The following CPQ variants were observed in gnomAD, a reference collection of about 807,000 sequenced individuals.
CPQ encodes the protein Ser-Met dipeptidase.
A neutral mutation model predicts 45.7 loss-of-function variants in CPQ; 37 were observed. The ratio of observed to expected loss-of-function variants is 0.81; its 90% CI spans 0.62 to 1.07. The LOEUF is 1.07. Ranked by LOEUF, CPQ falls within the 50% of genes least tolerant of loss-of-function variation. CPQ has a pLI of 0.00. For missense variants in CPQ, 537 were observed against 572.9 expected, an observed-to-expected ratio of 0.94 and a Z score of 0.64; for synonymous variants, 186 against 205.8, an observed-to-expected ratio of 0.90 and a Z score of 0.82.
intron 1 of CPQ, among the ~76,000 whole-genome samples, chr8:96,658,613 G>GATTCC: frequency 6.6e-6 from 1 of 152,344 alleles, no homozygotes; most frequent in Non-Finnish European, 1.5e-5. Flanking sequence ...CTTAAAATAG[G>GATTCC]AAATTATGCT....
chr8:97,023,009 CTATATAT>C lies in CPQ; in HGVS notation c.962-6393_962-6387del, dbSNP rs1443640256. Among the ~76,000 whole-genome samples the C allele has an allele frequency of 3.5e-5, 5 of 143,674 alleles. No individual in the cohort carries two copies. The East Asian group carries it at 8.2e-4, about 23-fold the overall frequency. 94.3% of individuals were successfully genotyped at this position (143,674 alleles called of 152,430 possible). On this transcript the variant is annotated intron_variant, in intron 5 of 7. Coordinates refer to ENST00000220763, the MANE Select transcript of CPQ (RefSeq NM_016134.4). Reference sequence around the variant, plus strand: ...AGTATATATATACAGTATATATATACTATATATAGTATATATATACAGTATATATACA... The same window carrying C: ...AGTATATATATACAGTATATATATACAGTATATATATACAGTATATATACA...
In CPQ at chr8:97,143,389, T is replaced by C. The variant is rs1361025360; in HGVS notation, c.*206T>C. The C allele has an allele frequency of 5.8e-6, 3 of 521,528 alleles. No individual in the cohort carries two copies. The highest frequency in any genetic ancestry group is 2.9e-4 in the Middle Eastern group (1 of 3,436). The allele number at this position is 521,528 out of a possible 1,614,324, so 32.3% of individuals were successfully genotyped here. A position where few individuals can be genotyped will look rare whatever the true frequency, so the allele number is the denominator to read the frequency against. ...TCATTCTCCCCTCCCTCCCACCACA[T>C]AGAATCAACATATGGTAGGGATTAC... is the stretch of plus-strand genomic sequence containing the variant. On this transcript the variant is annotated 3_prime_UTR_variant, in exon 8 of 8. Coordinates refer to ENST00000220763, the MANE Select transcript of CPQ (RefSeq NM_016134.4).
intron 7 of CPQ, among the ~76,000 whole-genome samples, chr8:97,137,080 G>C (rs1206455845): frequency 6.6e-6 from 1 of 152,208 alleles, no homozygotes; most frequent in African/African-American, 2.4e-5. Flanking sequence ...ACTAGTGATT[G>C]ATAGAACACG....
At chr8:96,946,132 T>TG (rs1460619777) in intron 4 of CPQ, among the ~76,000 whole-genome samples, 6 of 152,200 alleles carry the variant, frequency 3.9e-5, no homozygotes, top group Admixed American at 2.6e-4. Flanking sequence ...CAGCTCCTCT[T>TG]GCATTTGATT....
intron 2 of CPQ, among the ~76,000 whole-genome samples, chr8:96,813,721 A>G (rs1238839899): frequency 3.3e-5 from 5 of 151,946 alleles, no homozygotes; most frequent in African/African-American, 1.2e-4. Context: ...ATGGCAGCTC[A>G]CTCTGCTGCC....
At chr8:96,665,632 A>G (rs1277098792) in intron 1 of CPQ, among the ~76,000 whole-genome samples, 1 of 152,204 alleles carries the variant, frequency 6.6e-6, no homozygotes, top group Non-Finnish European at 1.5e-5. Flanking sequence ...AGAATTTGTG[A>G]TGTTCATAAT....
intron 5 of CPQ, among the ~76,000 whole-genome samples, chr8:97,020,226 G>A (rs557515497): frequency 9.9e-5 from 15 of 152,158 alleles, no homozygotes; most frequent in African/African-American, 2.9e-4. Flanking sequence ...TACAACAAAC[G>A]CGGTGCTAAG....
chr8:96,656,496 A>G (rs1238120656), intron 1 of CPQ, among the ~76,000 whole-genome samples: 3 of 152,058 alleles, frequency 2.0e-5, no homozygotes, highest in Non-Finnish European at 4.4e-5. Context: ...CTCAGGATGG[A>G]TGGGGTCTGG....
At chr8:96,821,180 G>T (rs1415710037) in intron 2 of CPQ, among the ~76,000 whole-genome samples, 2 of 63,708 alleles carry the variant, frequency 3.1e-5, no homozygotes, top group African/African-American at 6.4e-5. Flanking sequence ...CTCCTTATAT[G>T]TTCTGGTTAT....
chr8:97,095,137 T>G (rs1359782054), intron 7 of CPQ, among the ~76,000 whole-genome samples: 1 of 152,152 alleles, frequency 6.6e-6, no homozygotes, highest in African/African-American at 2.4e-5. Flanking sequence ...TTTATTCAGG[T>G]CACTGTTCCT....
chr8:96,997,047 C>G (rs1809190310), intron 5 of CPQ, among the ~76,000 whole-genome samples: 1 of 151,986 alleles, frequency 6.6e-6, no homozygotes, highest in South Asian at 2.1e-4. Flanking sequence ...TTCTGTACTA[C>G]AGCCTTTCAT....
intron 5 of CPQ, among the ~76,000 whole-genome samples, chr8:96,989,094 T>G (rs1809041356): frequency 6.6e-6 from 1 of 152,182 alleles, no homozygotes; most frequent in African/African-American, 2.4e-5. Flanking sequence ...TCCACTAATC[T>G]GCCAGGAGGC....
intron 5 of CPQ, among the ~76,000 whole-genome samples, chr8:97,020,008 T>G (rs893832150): frequency 6.6e-6 from 1 of 151,866 alleles, no homozygotes; most frequent in Admixed American, 6.6e-5. Flanking sequence ...TTCAAGAAAA[T>G]TGAAATTATA....
At chr8:96,970,095 AGGTTTTCTTCCCTAAG>A in intron 5 of CPQ, among the ~76,000 whole-genome samples, 1 of 152,338 alleles carries the variant, frequency 6.6e-6, no homozygotes, top group South Asian at 2.1e-4. Context: ...TCTGGGAAGA[AGGTTTTCTTCCCTAAG>A]GCTCTGGTCA....
chr8:96,776,019 G>T (rs1175220305), intron 1 of CPQ, among the ~76,000 whole-genome samples: 1 of 152,148 alleles, frequency 6.6e-6, no homozygotes, highest in Non-Finnish European at 1.5e-5. Context: ...GTAGGAACTG[G>T]GTTTTCCTTA....
At chr8:97,065,970 G>T (rs1311555207) in intron 6 of CPQ, 39 bp from the exon 7 acceptor site, 2 of 1,590,564 alleles carry the variant, frequency 1.3e-6, no homozygotes, top group African/African-American at 1.3e-5. Flanking sequence ...AAGCACTGAA[G>T]CAACAGATAA....
At chr8:97,103,886 T>C (rs977347057) in intron 7 of CPQ, among the ~76,000 whole-genome samples, 3 of 152,174 alleles carry the variant, frequency 2.0e-5, no homozygotes, top group African/African-American at 7.2e-5. Flanking sequence ...TGGCACATTA[T>C]CTTCCGCACT....
intron 1 of CPQ, among the ~76,000 whole-genome samples, chr8:96,751,674 G>T (rs1226238699): frequency 6.6e-6 from 1 of 152,082 alleles, no homozygotes; most frequent in Non-Finnish European, 1.5e-5. Context: ...TGCTTTTGTT[G>T]CAATTGCTTT....
chr8:96,708,355 C>T (rs1229290907), intron 1 of CPQ, among the ~76,000 whole-genome samples: 1 of 151,500 alleles, frequency 6.6e-6, no homozygotes, highest in Non-Finnish European at 1.5e-5. Context: ...TTGTGTGGGC[C>T]ATTATTCTGC....
Sources: gnomAD v4.1 joint callset for allele counts (sites outside exome capture counted in the v4.1 genomes callset) on GRCh38, gnomAD v4.1.1 for gene constraint, MANE v1.5 for transcripts, NCBI Gene and HGNC (gene_info 2026-07-23, HGNC 2026-07-21) for gene names.